Variants in SMAP1 observed in about 807,000 individuals in gnomAD.
SMAP1 encodes stromal membrane-associated protein 1.
SMAP1 carries 24 observed loss-of-function variants against 58.5 expected under a neutral mutation model. The observed-to-expected ratio is 0.41, with a 90% CI of 0.30 to 0.58. The LOEUF is 0.58. Among genes scored for constraint, SMAP1 ranks in the 20% least tolerant of loss-of-function variants. The pLI is 0.29. For synonymous variants in SMAP1, 216 were observed against 196.6 expected, an observed-to-expected ratio of 1.10 and a Z score of -0.82; for missense variants, 563 against 566.3, an observed-to-expected ratio of 0.99 and a Z score of 0.06.
intron 1 of SMAP1, among the ~76,000 whole-genome samples, chr6:70,717,804 AG>A (rs1310797811): frequency 1.3e-5 from 2 of 152,204 alleles, no homozygotes; most frequent in Non-Finnish European, 2.9e-5. Flanking sequence ...ACATTTTACT[AG>A]CATGGCATCT....
At chr6:70,686,178 G>GT (rs200333352) in intron 1 of SMAP1, among the ~76,000 whole-genome samples, 4,060 of 152,028 alleles carry the variant, frequency 0.027, 69 homozygotes, top group Non-Finnish European at 0.041. Context: ...CTCAGAGTCT[G>GT]TTTTTTTTAC....
chr6:70,754,689 A>G (rs1036581903), intron 2 of SMAP1, among the ~76,000 whole-genome samples: 1 of 152,096 alleles, frequency 6.6e-6, no homozygotes, highest in Non-Finnish European at 1.5e-5. Flanking sequence ...GAGGGAATTC[A>G]CTGTTAGGAA....
chr6:70,812,227 A>T (rs1769422579), intron 6 of SMAP1, among the ~76,000 whole-genome samples: 1 of 152,210 alleles, frequency 6.6e-6, no homozygotes, highest in South Asian at 2.1e-4. Flanking sequence ...AGTTGTGTAT[A>T]TGAAGAAAAG....
Position 70,836,923 on chromosome 6 carries a change from C to A in SMAP1, c.577-18C>A. On this transcript the variant is annotated intron_variant, in intron 6 of 10. Transcript: ENST00000370455. Reference sequence around the variant, plus strand: ...TTTACTTAAGAAAAATTAATAAATCCAATTATTTACTTTAAAGCTGCAGAA... The same window carrying A: ...TTTACTTAAGAAAAATTAATAAATCAAATTATTTACTTTAAAGCTGCAGAA... 6.6e-7 allele frequency: 1 copy of A among 1,522,490 alleles called. No individual in the cohort carries two copies. Among genetic ancestry groups the A allele is most frequent in the Non-Finnish European group, 8.8e-7 (1 of 1,137,910 alleles). 94.3% of individuals were successfully genotyped at this position (1,522,490 alleles called of 1,614,324 possible). A position where few individuals can be genotyped will look rare whatever the true frequency, so the allele number is the denominator to read the frequency against.
intron 4 of SMAP1, among the ~76,000 whole-genome samples, chr6:70,773,640 A>G (rs1474265849): frequency 1.3e-5 from 2 of 152,212 alleles, no homozygotes; most frequent in African/African-American, 4.8e-5. Flanking sequence ...AACCACTTAC[A>G]TGGCATTTAA....
At chr6:70,710,294 C>T (rs1767999720) in intron 1 of SMAP1, among the ~76,000 whole-genome samples, 1 of 151,868 alleles carries the variant, frequency 6.6e-6, no homozygotes. Flanking sequence ...AGATAGAGAC[C>T]ATCCTGGCCA....
chr6:70,765,278 G>A (rs1444437480), intron 3 of SMAP1, among the ~76,000 whole-genome samples: 4 of 152,078 alleles, frequency 2.6e-5, no homozygotes, highest in Non-Finnish European at 4.4e-5. Flanking sequence ...TAGAAACCAC[G>A]ACTTTAAGCA....
intron 6 of SMAP1, among the ~76,000 whole-genome samples, chr6:70,809,764 A>G (rs1769306421): frequency 6.6e-6 from 1 of 152,210 alleles, no homozygotes; most frequent in African/African-American, 2.4e-5. Context: ...ACATTTGTAT[A>G]AGTAGTTTTG....
chr6:70,754,896 G>T, intron 2 of SMAP1, 84 bp from the exon 3 acceptor site: 1 of 673,786 alleles, frequency 1.5e-6, no homozygotes, highest in Admixed American at 2.4e-5. Flanking sequence ...TTTGGTATTT[G>T]TGTATATGTA....
rs149480523 is a variant in SMAP1, at chr6:70,849,176, T to TG, written c.665-3357dup. Among the ~76,000 whole-genome samples, 49 of 152,184 alleles carry TG rather than the reference T, an allele frequency of 3.2e-4. No individual in the cohort carries two copies. The East Asian group carries it at 5.2e-3, about 16-fold the overall frequency. On this transcript the variant is annotated intron_variant, in intron 7 of 10. Transcript: ENST00000370455. ...CAGAAAGTTCCTTACCTCAGGTTTTTGGGGGGGTATGAAAAAGTCTTCCTT... is the reference window on the plus strand; with the variant it reads ...CAGAAAGTTCCTTACCTCAGGTTTTTGGGGGGGGTATGAAAAAGTCTTCCTT...
chr6:70,727,524 C>T (rs1162444216), intron 1 of SMAP1, among the ~76,000 whole-genome samples: 2 of 152,162 alleles, frequency 1.3e-5, no homozygotes, highest in African/African-American at 4.8e-5. Flanking sequence ...ATTACTATAA[C>T]CATTATATGA....
intron 1 of SMAP1, among the ~76,000 whole-genome samples, chr6:70,730,671 G>A (rs1404766995): frequency 6.6e-6 from 1 of 152,126 alleles, no homozygotes; most frequent in African/African-American, 2.4e-5. Context: ...TAAGGAATTT[G>A]GGGGGGCATT....
At chr6:70,724,204 CT>C (rs1052541630) in intron 1 of SMAP1, among the ~76,000 whole-genome samples, 16 of 147,010 alleles carry the variant, frequency 1.1e-4, no homozygotes, top group Non-Finnish European at 1.7e-4. Context: ...GGAAATGTTC[CT>C]TTTTTTTTGA....
chr6:70,809,114 TC>T (rs1489820726), intron 6 of SMAP1, among the ~76,000 whole-genome samples: 4 of 152,174 alleles, frequency 2.6e-5, no homozygotes, highest in Admixed American at 2.0e-4. Flanking sequence ...TAAGAGAAAA[TC>T]AATTCACAAA....
chr6:70,796,599 T>A (rs994004046), intron 5 of SMAP1, among the ~76,000 whole-genome samples: 1 of 152,202 alleles, frequency 6.6e-6, no homozygotes, highest in Non-Finnish European at 1.5e-5. Context: ...TGTTTCTAGT[T>A]ATCCTTAAAG....
At position 70,813,868 on chromosome 6, in the gene SMAP1, A is replaced by G. The variant is rs549925957; in HGVS notation, c.576+15131A>G. Among the ~76,000 whole-genome samples, 289 of 152,318 alleles carry G rather than the reference A, an allele frequency of 1.9e-3. No homozygotes were observed. The Middle Eastern group carries it at 0.02, about 11-fold the overall frequency. On this transcript the variant is annotated intron_variant, in intron 6 of 10. Transcript: ENST00000370455. ...AATAAATACAGTTTTAAAAAGATAC[A>G]TTGCAGACATATACAATTTTATCTT...
At chr6:70,793,081 C>A (rs1768437596) in intron 5 of SMAP1, among the ~76,000 whole-genome samples, 1 of 152,098 alleles carries the variant, frequency 6.6e-6, no homozygotes, top group Non-Finnish European at 1.5e-5. Flanking sequence ...TGTTGCCAGG[C>A]TGGACTGCAG....
intron 10 of SMAP1, chr6:70,859,942 T>A (rs1454192367): frequency 5.7e-6 from 2 of 349,532 alleles, no homozygotes; most frequent in African/African-American, 4.2e-5. Context: ...GCGGACTCAT[T>A]AAAATCCCAA....
At chr6:70,851,211 A>G (rs9455236) in intron 7 of SMAP1, among the ~76,000 whole-genome samples, 7,127 of 152,254 alleles carry the variant, frequency 0.047, 507 homozygotes, top group African/African-American at 0.16. Flanking sequence ...TAAATTAAAT[A>G]GCAAAAAATA....
Sources: allele counts gnomAD v4.1 joint callset (sites outside exome capture counted in the v4.1 genomes callset), GRCh38; gene constraint gnomAD v4.1.1; transcripts MANE v1.5; gene names NCBI Gene and HGNC (gene_info 2026-07-23, HGNC 2026-07-21).